KAZN: variants seen among roughly 807,000 people sequenced by gnomAD.
KAZN encodes the protein kazrin.
KAZN carries 40 observed loss-of-function variants against 87.4 expected under a neutral mutation model. The ratio of observed to expected loss-of-function variants is 0.46; its 90% CI spans 0.36 to 0.60. The LOEUF (loss-of-function observed/expected upper bound fraction) is 0.60, where lower values mean the gene tolerates loss of function less well. Ranked by LOEUF, KAZN falls within the 20% of genes least tolerant of loss-of-function variation. KAZN has a pLI of 0.00. For missense variants in KAZN, 898 were observed against 1,073.9 expected, an observed-to-expected ratio of 0.84 and a Z score of 2.29; for synonymous variants, 466 against 458.3, an observed-to-expected ratio of 1.02 and a Z score of -0.22.
At chr1:14,733,496 C>G (rs764828029) in intron 1 of KAZN, among the ~76,000 whole-genome samples, 1 of 152,140 alleles carries the variant, frequency 6.6e-6, no homozygotes, top group Non-Finnish European at 1.5e-5. Context: ...AGCCTCGTGC[C>G]GTAGGGTGGG....
At chr1:14,188,308 A>G (rs1646354615) in intron 2 of KAZN, among the ~76,000 whole-genome samples, 1 of 151,670 alleles carries the variant, frequency 6.6e-6, no homozygotes, top group South Asian at 2.1e-4. Flanking sequence ...GCATTACCCC[A>G]TGAGGTGATT....
At chr1:14,306,215 G>A (rs1654917442) in intron 2 of KAZN, among the ~76,000 whole-genome samples, 3 of 152,166 alleles carry the variant, frequency 2.0e-5, no homozygotes, top group Admixed American at 1.3e-4. Context: ...AAAGTGCTTT[G>A]TGAAAAAATT....
chr1:14,472,629 A>G (rs1383677738), intron 2 of KAZN, among the ~76,000 whole-genome samples: 1 of 151,958 alleles, frequency 6.6e-6, no homozygotes. Context: ...AGTAATGCCT[A>G]CAGCAAAGAA....
At chr1:14,697,467 A>G (rs1218450885) in intron 1 of KAZN, among the ~76,000 whole-genome samples, 1 of 152,218 alleles carries the variant, frequency 6.6e-6, no homozygotes, top group Admixed American at 6.5e-5. Flanking sequence ...ATTTTTAATC[A>G]TCTCTGTTCT....
intron 2 of KAZN, among the ~76,000 whole-genome samples, chr1:14,261,924 G>A (rs933236219): frequency 1.3e-5 from 2 of 152,128 alleles, no homozygotes; most frequent in African/African-American, 4.8e-5. Context: ...CCTAAATGCC[G>A]TGGTCCCCAA....
At chr1:13,982,189 C>T (rs893151431) in intron 1 of KAZN, among the ~76,000 whole-genome samples, 6 of 152,222 alleles carry the variant, frequency 3.9e-5, no homozygotes, top group South Asian at 2.1e-4. Flanking sequence ...GGATCATGGA[C>T]GTGTTTTCCC....
At chr1:14,883,458 C>T (rs1177341828) in intron 1 of KAZN, among the ~76,000 whole-genome samples, 1 of 147,508 alleles carries the variant, frequency 6.8e-6, no homozygotes, top group African/African-American at 2.7e-5. Flanking sequence ...TTGCAGGGTG[C>T]AGGCTTTCTT....
At chr1:15,069,108 G>A (rs1639394055) in intron 8 of KAZN, among the ~76,000 whole-genome samples, 1 of 151,994 alleles carries the variant, frequency 6.6e-6, no homozygotes, top group Admixed American at 6.6e-5. Context: ...CTAAAGGGTT[G>A]CCAGGATTAG....
rs1338799291 is a variant in KAZN, at chr1:14,645,192, T to C, written c.226+45969T>C. Among the ~76,000 whole-genome samples the C allele has an allele frequency of 2.0e-5, 3 of 152,238 alleles. No individual in the cohort carries two copies. In the East Asian group the frequency reaches 5.8e-4, roughly 29 times the overall value. On this transcript the variant is annotated intron_variant, in intron 1 of 14. Transcript: ENST00000376030. ...TTTTTGTACCAGTACCATGCTGTTT[T>C]GGTTACTGTAGCCTTGTAGTATAGT...
chr1:14,561,739 A>G (rs1040688938), intron 2 of KAZN, among the ~76,000 whole-genome samples: 1 of 151,994 alleles, frequency 6.6e-6, no homozygotes, highest in African/African-American at 2.4e-5. Context: ...CCCCATCTCT[A>G]CTAAAAATAC....
chr1:14,847,916 G>T (rs1170827265), intron 1 of KAZN, among the ~76,000 whole-genome samples: 1 of 152,162 alleles, frequency 6.6e-6, no homozygotes, highest in Non-Finnish European at 1.5e-5. Flanking sequence ...GGAGTTCGAG[G>T]CTGCAGTGAA....
At chr1:14,139,088 G>T (rs981810645) in intron 1 of KAZN, among the ~76,000 whole-genome samples, 1 of 152,106 alleles carries the variant, frequency 6.6e-6, no homozygotes, top group African/African-American at 2.4e-5. Flanking sequence ...ATTCGAGAAG[G>T]CTGTAGAAAA....
intron 2 of KAZN, among the ~76,000 whole-genome samples, chr1:14,228,269 TCTTA>T (rs752621504): frequency 3.9e-5 from 6 of 152,196 alleles, no homozygotes; most frequent in Non-Finnish European, 8.8e-5. Flanking sequence ...TTATGCACCA[TCTTA>T]CTTCAGGCTG....
At chr1:14,946,115 A>G (rs1310332424) in intron 1 of KAZN, 1 of 162,754 alleles carries the variant, frequency 6.1e-6, no homozygotes, top group African/African-American at 2.4e-5. Context: ...CCAGGATTTG[A>G]ACCAGGCCAT....
At chr1:14,655,550 C>T (rs1377162008) in intron 1 of KAZN, among the ~76,000 whole-genome samples, 1 of 152,150 alleles carries the variant, frequency 6.6e-6, no homozygotes, top group Non-Finnish European at 1.5e-5. Flanking sequence ...AAATCACCAG[C>T]CGTCAGAATT....
intron 2 of KAZN, among the ~76,000 whole-genome samples, chr1:14,416,943 CGTGTATAT>C (rs770033393): frequency 3.4e-5 from 5 of 147,378 alleles, no homozygotes; most frequent in East Asian, 2.0e-4. Context: ...TGTGTGTGAG[CGTGTATAT>C]GTGTATGTGT....
chr1:15,085,777 A>G (rs558094240), intron 8 of KAZN, among the ~76,000 whole-genome samples: 25 of 152,344 alleles, frequency 1.6e-4, no homozygotes, highest in African/African-American at 6.0e-4. Flanking sequence ...AGAAAGTCCA[A>G]CTTATATCTA....
intron 2 of KAZN, among the ~76,000 whole-genome samples, chr1:14,544,074 A>T (rs148764299): frequency 6.6e-6 from 1 of 152,316 alleles, no homozygotes; most frequent in East Asian, 1.9e-4. Flanking sequence ...GGCTTTTCAA[A>T]GTTTAGGGGA....
chr1:14,850,605 G>A (rs147441299), intron 1 of KAZN, among the ~76,000 whole-genome samples: 62 of 152,266 alleles, frequency 4.1e-4, no homozygotes, highest in African/African-American at 1.5e-3. Flanking sequence ...GCCATCACAC[G>A]TGTGTTTGCT....
Sources: allele counts gnomAD v4.1 joint callset (sites outside exome capture counted in the v4.1 genomes callset), GRCh38; gene constraint gnomAD v4.1.1; transcripts MANE v1.5; gene names NCBI Gene and HGNC (gene_info 2026-07-23, HGNC 2026-07-21).